The following RIPOR2 variants were observed in gnomAD, a reference collection of about 807,000 sequenced individuals.
RIPOR2 encodes the protein RHO family interacting cell polarization regulator 2.
In RIPOR2, 39 loss-of-function variants were observed where a neutral mutation model predicts 114.5. That is an observed-to-expected ratio of 0.34 (90% CI 0.26 to 0.44). The LOEUF is 0.44. RIPOR2 is among the 20% of genes least tolerant of loss of function. The pLI, the probability that RIPOR2 is intolerant of heterozygous loss-of-function variation, is 1.00. For missense variants in RIPOR2, 1,007 were observed against 1,255.1 expected (o/e 0.80, Z 2.99); for synonymous variants, 445 against 484.4 (o/e 0.92, Z 1.07).
intron 1 of RIPOR2, among the ~76,000 whole-genome samples, chr6:24,882,291 G>A (rs1046633611): frequency 6.6e-6 from 1 of 152,186 alleles, no homozygotes; most frequent in Non-Finnish European, 1.5e-5. Context: ...TTCACTACGA[G>A]ACAGGTAAGG....
rs977199373 is a variant in RIPOR2 at position 24,860,230 on chromosome 6, A to T, written c.715+743T>A. Among the ~76,000 whole-genome samples, 10 of 152,320 alleles carry T rather than the reference A, an allele frequency of 6.6e-5. No individual in the cohort carries two copies. The Middle Eastern group carries it at 0.01, about 155-fold the overall frequency. ...AGTTTGCTAGAAACATGAGGAGCTA[A>T]AGGAAGAATTTAAAGATCACCCCAA... On this transcript the variant is annotated intron_variant, in intron 8 of 21. Coordinates refer to ENST00000643898, the MANE Select transcript of RIPOR2 (RefSeq NM_001286445.3).
At chr6:24,869,866 C>A (rs774668622) in intron 5 of RIPOR2, among the ~76,000 whole-genome samples, 1 of 152,106 alleles carries the variant, frequency 6.6e-6, no homozygotes, top group African/African-American at 2.4e-5. Context: ...CAATTGCTAC[C>A]GGCAGACAGC....
chr6:24,971,145 G>A (rs1161651142), intron 1 of RIPOR2, among the ~76,000 whole-genome samples: 2 of 152,180 alleles, frequency 1.3e-5, no homozygotes, highest in African/African-American at 4.8e-5. Context: ...AAAACTACCA[G>A]CAAGAGTGGC....
At chr6:24,978,974 T>G (rs1242544244) in intron 1 of RIPOR2, among the ~76,000 whole-genome samples, 3 of 152,200 alleles carry the variant, frequency 2.0e-5, no homozygotes, top group African/African-American at 7.2e-5. Context: ...ATATATTAGC[T>G]TAGGCCTGGG....
At chr6:24,923,786 T>G (rs1176621638) in intron 1 of RIPOR2, among the ~76,000 whole-genome samples, 3 of 151,940 alleles carry the variant, frequency 2.0e-5, no homozygotes, top group Non-Finnish European at 4.4e-5. Flanking sequence ...AGGCAGAGGT[T>G]GCAGAGAGCC....
At chr6:24,848,180 T>C (rs771578848) in intron 11 of RIPOR2, 26 bp from the exon 12 acceptor site, 10 of 1,610,854 alleles carry the variant, frequency 6.2e-6, no homozygotes, top group African/African-American at 1.3e-5. Flanking sequence ...TCCCCAGGTA[T>C]GCACATTTGG....
chr6:24,969,266 G>A (rs1773669621), intron 1 of RIPOR2, among the ~76,000 whole-genome samples: 1 of 152,096 alleles, frequency 6.6e-6, no homozygotes, highest in Non-Finnish European at 1.5e-5. Context: ...TATTCAGAGT[G>A]GTCCAAGGAA....
intron 1 of RIPOR2, among the ~76,000 whole-genome samples, chr6:24,987,797 T>G (rs1205295816): frequency 1.3e-5 from 2 of 152,254 alleles, no homozygotes; most frequent in African/African-American, 4.8e-5. Flanking sequence ...GATTTGTCAA[T>G]GTATTCAGTG....
intron 1 of RIPOR2, among the ~76,000 whole-genome samples, chr6:24,911,454 A>G (rs1769590257): frequency 1.3e-5 from 2 of 152,126 alleles, no homozygotes; most frequent in East Asian, 1.9e-4. Context: ...TGTGCATTGA[A>G]AAAAATGAGG....
chr6:24,872,817 A>G, intron 4 of RIPOR2, 64 bp downstream of exon 4: 2 of 1,081,228 alleles, frequency 1.8e-6, no homozygotes, highest in Non-Finnish European at 2.8e-6. Flanking sequence ...AGCCCCATCC[A>G]GTAAAAGAAG....
At chr6:24,976,830 C>G in intron 1 of RIPOR2, 1 of 1,610,708 alleles carries the variant, frequency 6.2e-7, no homozygotes, top group Non-Finnish European at 8.5e-7. Context: ...TTCATCTGCA[C>G]TGCCAAGACT....
intron 3 of RIPOR2, 96 bp downstream of exon 3, chr6:24,873,548 C>G: frequency 8.8e-7 from 1 of 1,134,284 alleles, no homozygotes; most frequent in Non-Finnish European, 1.3e-6. Context: ...ATACCTCCTA[C>G]AGAAATAGAC....
At chr6:24,824,994 A>C (rs572016541) in intron 19 of RIPOR2, among the ~76,000 whole-genome samples, 3 of 152,356 alleles carry the variant, frequency 2.0e-5, no homozygotes, top group South Asian at 4.1e-4. Context: ...ATGTTAGCAT[A>C]TATATAGATA....
chr6:24,961,633 C>G (rs1326833537), intron 1 of RIPOR2, among the ~76,000 whole-genome samples: 2 of 134,388 alleles, frequency 1.5e-5, no homozygotes, highest in African/African-American at 5.3e-5. Context: ...TTATTCTAAG[C>G]TTTTTTTTTT....
In RIPOR2 at chr6:24,870,893, C is replaced by T. The variant is rs1015087374; in HGVS notation, c.424-4G>A. ...TGTCTAGGTCATACAGTACACCCTA[C>T]AATAAAAAAAGGAATATCTGCATTT... On this transcript the variant is annotated splice_polypyrimidine_tract_variant and splice_region_variant and intron_variant, in intron 4 of 21. Coordinates refer to ENST00000643898, the MANE Select transcript of RIPOR2 (RefSeq NM_001286445.3). 3.2e-6 allele frequency: 5 copies of T among 1,583,788 alleles called. No homozygotes were observed. In the African/African-American group the frequency reaches 5.4e-5, roughly 17 times the overall value.
intron 1 of RIPOR2, among the ~76,000 whole-genome samples, chr6:25,040,543 T>G (rs998490595): frequency 4.6e-5 from 7 of 151,984 alleles, no homozygotes; most frequent in Admixed American, 4.6e-4. Context: ...AAGAATAAAC[T>G]GCCAACATTT....
At chr6:25,014,750 C>G (rs1333885356) in intron 1 of RIPOR2, among the ~76,000 whole-genome samples, 1 of 152,112 alleles carries the variant, frequency 6.6e-6, no homozygotes, top group African/African-American at 2.4e-5. Flanking sequence ...TTAGACAGTC[C>G]ATCCCTAAAT....
chr6:24,868,367 A>T (rs971332551), intron 6 of RIPOR2, among the ~76,000 whole-genome samples: 1 of 152,190 alleles, frequency 6.6e-6, no homozygotes, highest in East Asian at 1.9e-4. Flanking sequence ...TAAAACTCCC[A>T]GGCTCCCCAC....
At chr6:25,034,156 G>A (rs1777129143) in intron 1 of RIPOR2, among the ~76,000 whole-genome samples, 1 of 151,980 alleles carries the variant, frequency 6.6e-6, no homozygotes, top group Admixed American at 6.6e-5. Flanking sequence ...TACGGGGTGA[G>A]GGCTGGGAAT....
Sources: gnomAD v4.1 joint callset for allele counts (sites outside exome capture counted in the v4.1 genomes callset) on GRCh38, gnomAD v4.1.1 for gene constraint, MANE v1.5 for transcripts, NCBI Gene and HGNC (gene_info 2026-07-23, HGNC 2026-07-21) for gene names.